The following CDH4 variants were observed in gnomAD, a reference collection of about 807,000 sequenced individuals.
The protein encoded by CDH4 is cadherin 4.
A neutral mutation model predicts 86.0 loss-of-function variants in CDH4; 33 were observed. The ratio of observed to expected loss-of-function variants is 0.38; its 90% CI spans 0.29 to 0.51. The LOEUF is 0.51. Ranked by LOEUF, CDH4 falls within the 20% of genes least tolerant of loss-of-function variation. The pLI, the probability that CDH4 is intolerant of heterozygous loss-of-function variation, is 0.86. For synonymous variants in CDH4, 555 were observed against 549.4 expected (o/e 1.01, Z -0.14); for missense variants, 1,114 against 1,307.4 (o/e 0.85, Z 2.28).
At chr20:61,534,665 CTTTT>C (rs34309371) in intron 2 of CDH4, among the ~76,000 whole-genome samples, 15 of 76,062 alleles carry the variant, frequency 2.0e-4, no homozygotes, top group East Asian at 5.9e-4. Context: ...TTCTTTCTTT[CTTTT>C]TTTTTTTTTT....
intron 7 of CDH4, among the ~76,000 whole-genome samples, chr20:61,881,804 C>T (rs746359217): frequency 4.6e-5 from 7 of 152,246 alleles, no homozygotes; most frequent in Non-Finnish European, 8.8e-5. Flanking sequence ...TCGTGGTCCC[C>T]AGAAAAGCTA....
intron 2 of CDH4, among the ~76,000 whole-genome samples, chr20:61,536,565 C>T (rs1365667872): frequency 6.6e-6 from 1 of 152,138 alleles, no homozygotes; most frequent in Non-Finnish European, 1.5e-5. Context: ...CCCAGGCACC[C>T]CCATTGCGAG....
intron 6 of CDH4, among the ~76,000 whole-genome samples, chr20:61,872,865 G>A (rs887520604): frequency 2.6e-5 from 4 of 152,214 alleles, no homozygotes; most frequent in African/African-American, 9.6e-5. Context: ...TCAGTAGGCA[G>A]GGACTAAAGC....
Position 61,743,547 on chromosome 20 carries a change from C to T in CDH4, c.170-16C>T, listed in dbSNP as rs748386891. On this transcript the variant is annotated splice_polypyrimidine_tract_variant and intron_variant, in intron 2 of 15. Transcript: ENST00000614565. ...CTGGCCAAGCCGACCCTGACTCTCT[C>T]CCCCTCCTCTTGCAGTCAAGTTCAG... 2 of 1,549,354 alleles carry T rather than the reference C, an allele frequency of 1.3e-6. No individual in the cohort carries two copies. The highest frequency in any genetic ancestry group is 1.2e-5 in the South Asian group (1 of 84,172).
chr20:61,929,854 T>C lies in CDH4; in HGVS notation c.2239+12T>C. The C allele has an allele frequency of 1.9e-6, 3 of 1,608,592 alleles. No individual in the cohort carries two copies. Among genetic ancestry groups the C allele is most frequent in the Non-Finnish European group, 2.6e-6 (3 of 1,175,390 alleles). On this transcript the variant is annotated intron_variant, in intron 13 of 15. Coordinates refer to ENST00000614565, the MANE Select transcript of CDH4 (RefSeq NM_001794.5). The stretch of plus-strand genomic sequence containing the variant: ...CCTCATCCTGCTGAGTGAGTGTGGC[T>C]GAGCACCAGGGTGGGCAGGGGCATT...
At chr20:61,669,678 G>T (rs1280094969) in intron 2 of CDH4, among the ~76,000 whole-genome samples, 1 of 152,172 alleles carries the variant, frequency 6.6e-6, no homozygotes, top group Non-Finnish European at 1.5e-5. Context: ...GAGCCAGAGT[G>T]ATCTTTTTCT....
chr20:61,441,350 C>T (rs1001056834), intron 2 of CDH4, among the ~76,000 whole-genome samples: 1 of 152,218 alleles, frequency 6.6e-6, no homozygotes, highest in South Asian at 2.1e-4. Flanking sequence ...AGGGACTGGG[C>T]CAGGGCCTCA....
chr20:61,908,066 GCCCAGCTTAGAGC>G (rs1232274611), intron 8 of CDH4, among the ~76,000 whole-genome samples: 3 of 152,176 alleles, frequency 2.0e-5, no homozygotes, highest in Non-Finnish European at 4.4e-5. Context: ...GGGGTTTTCA[GCCCAGCTTAGAGC>G]CCCAGGTCGA....
chr20:61,757,010 G>A (rs1036634687), intron 3 of CDH4, among the ~76,000 whole-genome samples: 3 of 152,222 alleles, frequency 2.0e-5, no homozygotes, highest in African/African-American at 7.2e-5. Context: ...TAAATAAACA[G>A]CAACAGTGCC....
chr20:61,561,442 C>A (rs1206629077), intron 2 of CDH4, among the ~76,000 whole-genome samples: 1 of 152,274 alleles, frequency 6.6e-6, no homozygotes, highest in Non-Finnish European at 1.5e-5. Context: ...CAAGCCAGGG[C>A]TGGAGGCCCT....
intron 2 of CDH4, among the ~76,000 whole-genome samples, chr20:61,667,534 C>A (rs1239428114): frequency 6.6e-6 from 1 of 152,222 alleles, no homozygotes; most frequent in Non-Finnish European, 1.5e-5. Flanking sequence ...TGGCATAATG[C>A]GCCCAGACGG....
At chr20:61,617,246 A>C (rs920747290) in intron 2 of CDH4, among the ~76,000 whole-genome samples, 1 of 152,120 alleles carries the variant, frequency 6.6e-6, no homozygotes, top group African/African-American at 2.4e-5. Flanking sequence ...CTTTCCTCTT[A>C]GAAGCTAAGC....
chr20:61,303,865 C>A (rs1385997034), intron 2 of CDH4, among the ~76,000 whole-genome samples: 1 of 152,154 alleles, frequency 6.6e-6, no homozygotes, highest in Non-Finnish European at 1.5e-5. Flanking sequence ...AGCCTGGATC[C>A]CAGGAGGTCC....
At chr20:61,742,581 G>A (rs1383524670) in intron 2 of CDH4, among the ~76,000 whole-genome samples, 4 of 150,836 alleles carry the variant, frequency 2.7e-5, no homozygotes, top group Admixed American at 2.6e-4. Flanking sequence ...CACCATAATT[G>A]CTTAGATACC....
chr20:61,815,659 C>T (rs563915334), intron 4 of CDH4, among the ~76,000 whole-genome samples: 1 of 152,360 alleles, frequency 6.6e-6, no homozygotes, highest in East Asian at 1.9e-4. Flanking sequence ...GGTACAGAAG[C>T]AGCCTGGAAA....
chr20:61,780,137 C>G (rs1248624318), intron 4 of CDH4, among the ~76,000 whole-genome samples: 1 of 152,220 alleles, frequency 6.6e-6, no homozygotes, highest in African/African-American at 2.4e-5. Flanking sequence ...GTTTCATGAG[C>G]TCATGCCACC....
intron 6 of CDH4, among the ~76,000 whole-genome samples, chr20:61,871,280 C>T (rs1053356242): frequency 2.0e-5 from 3 of 152,112 alleles, no homozygotes; most frequent in Non-Finnish European, 2.9e-5. Context: ...ATAATGAATG[C>T]CAGGCTCCTC....
intron 2 of CDH4, among the ~76,000 whole-genome samples, chr20:61,460,792 G>T (rs774832835): frequency 6.6e-6 from 1 of 152,228 alleles, no homozygotes. Context: ...CAGGCCTCTC[G>T]AGAGCTGGGG....
chr20:61,463,746 A>G (rs1283832038), intron 2 of CDH4, among the ~76,000 whole-genome samples: 2 of 152,220 alleles, frequency 1.3e-5, no homozygotes, highest in Non-Finnish European at 2.9e-5. Flanking sequence ...CTCTTGCAAC[A>G]GGGGAGAGAG....
Sources: gnomAD v4.1 joint callset for allele counts (sites outside exome capture counted in the v4.1 genomes callset) on GRCh38, gnomAD v4.1.1 for gene constraint, MANE v1.5 for transcripts, NCBI Gene and HGNC (gene_info 2026-07-23, HGNC 2026-07-21) for gene names.